The following CCDC91 variants were observed in gnomAD, a reference collection of about 807,000 sequenced individuals.
CCDC91 encodes coiled-coil domain-containing protein 91.
Under a neutral mutation model 63.2 loss-of-function variants are expected in CCDC91, and 48 were observed. That is an observed-to-expected ratio of 0.76 (90% confidence interval 0.60 to 0.97). The LOEUF is 0.97. CCDC91 is among the 50% of genes least tolerant of loss of function. The pLI, the probability that CCDC91 is intolerant of heterozygous loss-of-function variation, is 0.00. For missense variants in CCDC91, 500 were observed against 494.6 expected (o/e 1.01, Z -0.10); for synonymous variants, 167 against 165.8 (o/e 1.01, Z -0.06).
intron 1 of CCDC91, among the ~76,000 whole-genome samples, chr12:28,253,263 C>T (rs1016931208): frequency 6.6e-6 from 1 of 152,084 alleles, no homozygotes; most frequent in Non-Finnish European, 1.5e-5. Flanking sequence ...GGTTTCAGCC[C>T]AGCCGCTGTT....
chr12:28,359,260 A>G (rs1253292948), intron 6 of CCDC91, among the ~76,000 whole-genome samples: 1 of 152,240 alleles, frequency 6.6e-6, no homozygotes, highest in Non-Finnish European at 1.5e-5. Flanking sequence ...TGATTACACT[A>G]TAATTATTCA....
At chr12:28,212,503 C>T (rs1229577414) in intron 1 of CCDC91, among the ~76,000 whole-genome samples, 3 of 152,202 alleles carry the variant, frequency 2.0e-5, no homozygotes, top group Admixed American at 6.5e-5. Flanking sequence ...CAAGACTCAG[C>T]TCTTTTACAG....
intron 2 of CCDC91, among the ~76,000 whole-genome samples, chr12:28,258,832 A>T (rs923295751): frequency 1.3e-5 from 2 of 151,998 alleles, no homozygotes; most frequent in African/African-American, 4.8e-5. Flanking sequence ...AATTGTTCCA[A>T]AATAGGACGG....
intron 1 of CCDC91, among the ~76,000 whole-genome samples, chr12:28,233,069 C>T (rs1944710000): frequency 6.6e-6 from 1 of 151,502 alleles, no homozygotes; most frequent in African/African-American, 2.4e-5. Context: ...TTCCCCAACC[C>T]TCCATTAAAA....
At chr12:28,393,043 C>T (rs1382043720) in intron 8 of CCDC91, among the ~76,000 whole-genome samples, 8 of 152,108 alleles carry the variant, frequency 5.3e-5, no homozygotes, top group Non-Finnish European at 1.2e-4. Flanking sequence ...AGCCTCTGCC[C>T]ACGAGTAGGG....
At chr12:28,499,576 A>C (rs1163895885) in intron 12 of CCDC91, among the ~76,000 whole-genome samples, 5 of 151,316 alleles carry the variant, frequency 3.3e-5, no homozygotes, top group African/African-American at 1.2e-4. Context: ...TCATTGTTCA[A>C]CTCCCACTTA....
intron 11 of CCDC91, among the ~76,000 whole-genome samples, chr12:28,464,259 C>T (rs1223768376): frequency 6.6e-6 from 1 of 152,198 alleles, no homozygotes; most frequent in East Asian, 1.9e-4. Flanking sequence ...ATGCAGAAGT[C>T]TAGGCCACAA....
chr12:28,299,677 C>A (rs1937828964), intron 3 of CCDC91, among the ~76,000 whole-genome samples: 1 of 151,630 alleles, frequency 6.6e-6, no homozygotes, highest in Admixed American at 6.6e-5. Context: ...CTTCCACTAT[C>A]AGTCCTGTTT....
intron 7 of CCDC91, among the ~76,000 whole-genome samples, chr12:28,381,133 A>C (rs1352677828): frequency 6.6e-6 from 1 of 152,120 alleles, no homozygotes; most frequent in East Asian, 1.9e-4. Flanking sequence ...AGAATGGTTA[A>C]ATTTATTATT....
chr12:28,236,159 G>C (rs1345680541), intron 1 of CCDC91: 1 of 151,854 alleles, frequency 6.6e-6, no homozygotes, highest in Non-Finnish European at 1.5e-5. Context: ...TTATTTAATT[G>C]ATATCAAATG....
chr12:28,373,724 C>T (rs1199910500), intron 7 of CCDC91, among the ~76,000 whole-genome samples: 1 of 152,060 alleles, frequency 6.6e-6, no homozygotes, highest in East Asian at 1.9e-4. Context: ...TTGGCTGTGT[C>T]CCCTTCCAAA....
chr12:28,237,977 T>G (rs536735364), intron 1 of CCDC91, among the ~76,000 whole-genome samples: 1 of 152,286 alleles, frequency 6.6e-6, no homozygotes, highest in East Asian at 1.9e-4. Flanking sequence ...TTTTACTAAT[T>G]AATTCTTAAT....
At chr12:28,535,194 C>G (rs1422501616) in intron 12 of CCDC91, among the ~76,000 whole-genome samples, 1 of 152,078 alleles carries the variant, frequency 6.6e-6, no homozygotes, top group African/African-American at 2.4e-5. Context: ...TTCCTGAATA[C>G]TTTTAAACTC....
intron 8 of CCDC91, among the ~76,000 whole-genome samples, chr12:28,408,990 T>A (rs943548657): frequency 1.3e-5 from 2 of 152,158 alleles, no homozygotes; most frequent in African/African-American, 2.4e-5. Flanking sequence ...TTTAGCAGCA[T>A]TTTTTGTAGG....
At chr12:28,210,137 C>G (rs1261757388) in intron 1 of CCDC91, among the ~76,000 whole-genome samples, 2 of 152,196 alleles carry the variant, frequency 1.3e-5, no homozygotes, top group East Asian at 3.8e-4. Flanking sequence ...TTATAACCCT[C>G]TTTGCATAGC....
intron 12 of CCDC91, among the ~76,000 whole-genome samples, chr12:28,519,497 GCAAA>G (rs1272083945): frequency 6.6e-6 from 1 of 151,840 alleles, no homozygotes; most frequent in African/African-American, 2.4e-5. Flanking sequence ...CAGGTCATCA[GCAAA>G]CAGTGACAGT....
At chr12:28,289,318 A>T (rs1385593108) in intron 3 of CCDC91, among the ~76,000 whole-genome samples, 1 of 152,054 alleles carries the variant, frequency 6.6e-6, no homozygotes, top group Non-Finnish European at 1.5e-5. Flanking sequence ...GTGGACATTT[A>T]GTGCTATAAA....
At chr12:28,460,510 G>A (rs932269802) in intron 11 of CCDC91, among the ~76,000 whole-genome samples, 1 of 151,950 alleles carries the variant, frequency 6.6e-6, no homozygotes, top group African/African-American at 2.4e-5. Context: ...TGTCTAAATG[G>A]GATTAATAAT....
intron 11 of CCDC91, among the ~76,000 whole-genome samples, chr12:28,475,474 G>T (rs1951033336): frequency 1.3e-5 from 2 of 152,058 alleles, no homozygotes; most frequent in Admixed American, 1.3e-4. Context: ...GATTAAGACT[G>T]TGAGATTTAT....
Sources: gnomAD v4.1 joint callset for allele counts (sites outside exome capture counted in the v4.1 genomes callset) on GRCh38, gnomAD v4.1.1 for gene constraint, MANE v1.5 for transcripts, NCBI Gene and HGNC (gene_info 2026-07-23, HGNC 2026-07-21) for gene names.